SOX5: variants seen among roughly 807,000 people sequenced by gnomAD.
SOX5 encodes SRY-box transcription factor 5.
Under a neutral mutation model 92.0 loss-of-function variants are expected in SOX5, and 9 were observed. The observed-to-expected ratio is 0.10, with a 90% CI of 0.06 to 0.17. The LOEUF (loss-of-function observed/expected upper bound fraction) is 0.17. Among genes scored for constraint, SOX5 ranks in the 10% least tolerant of loss-of-function variants. SOX5 has a pLI of 1.00. For synonymous variants in SOX5, 344 were observed against 336.3 expected (o/e 1.02, Z -0.25); for missense variants, 642 against 944.5 (o/e 0.68, Z 4.20).
rs1212079796 is a variant in SOX5 at position 23,757,021 on chromosome 12, A to G, written c.482-1297T>C. ...AAAGCAGAGGTGCAATTTTCCTTGG[A>G]AAAAAAAAGTAACAATATGGAACAC... is the stretch of plus-strand genomic sequence containing the variant. On this transcript the variant is annotated intron_variant, in intron 3 of 14. Coordinates refer to ENST00000451604, the MANE Select transcript of SOX5 (RefSeq NM_006940.6). Among the ~76,000 whole-genome samples the G allele has an allele frequency of 2.6e-5, 4 of 151,320 alleles. No individual in the cohort carries two copies. In the East Asian group the frequency reaches 5.8e-4, roughly 22 times the overall value.
intron 1 of SOX5, among the ~76,000 whole-genome samples, chr12:24,468,351 G>A (rs753379188): frequency 6.6e-6 from 1 of 152,056 alleles, no homozygotes; most frequent in Non-Finnish European, 1.5e-5. Flanking sequence ...TGGTGTACCT[G>A]CCTTGTAAGG....
intron 7 of SOX5, among the ~76,000 whole-genome samples, chr12:23,642,540 G>A (rs963477597): frequency 1.3e-5 from 2 of 152,180 alleles, no homozygotes; most frequent in Non-Finnish European, 2.9e-5. Context: ...AGAATCAAAT[G>A]GAAGTGTTAG....
intron 4 of SOX5, among the ~76,000 whole-genome samples, chr12:24,164,297 G>C (rs1855664876): frequency 6.6e-6 from 1 of 151,880 alleles, no homozygotes; most frequent in African/African-American, 2.4e-5. Flanking sequence ...TAAAGTTAAA[G>C]CTTTCTTCCT....
chr12:24,409,465 A>C (rs1351792975), intron 1 of SOX5, among the ~76,000 whole-genome samples: 1 of 152,174 alleles, frequency 6.6e-6, no homozygotes, highest in East Asian at 1.9e-4. Flanking sequence ...TAGAAAAAAT[A>C]ATTTTTTTTA....
chr12:23,540,115 A>G (rs967500563), intron 13 of SOX5, among the ~76,000 whole-genome samples: 27 of 151,578 alleles, frequency 1.8e-4, no homozygotes, highest in Non-Finnish European at 2.8e-4. Context: ...AAAAGAGAGA[A>G]AAAATATCTA....
chr12:23,795,356 C>G (rs1405276787), intron 3 of SOX5, among the ~76,000 whole-genome samples: 1 of 151,936 alleles, frequency 6.6e-6, no homozygotes, highest in Admixed American at 6.6e-5. Flanking sequence ...GCTCTAGAGA[C>G]TCATTCTGTT....
intron 1 of SOX5, among the ~76,000 whole-genome samples, chr12:24,442,372 C>T (rs989168897): frequency 6.6e-6 from 1 of 152,136 alleles, no homozygotes; most frequent in African/African-American, 2.4e-5. Flanking sequence ...ACATGCAAAA[C>T]TCCCTGTATC....
At chr12:24,399,314 A>T (rs770108576) in intron 1 of SOX5, among the ~76,000 whole-genome samples, 4 of 152,236 alleles carry the variant, frequency 2.6e-5, no homozygotes, top group Non-Finnish European at 5.9e-5. Context: ...CTGGTAAAAC[A>T]ACTGATTTCT....
chr12:23,996,817 T>C (rs1218566996), intron 4 of SOX5, among the ~76,000 whole-genome samples: 1 of 152,168 alleles, frequency 6.6e-6, no homozygotes, highest in African/African-American at 2.4e-5. Context: ...CAGGGTCTAA[T>C]GGGAAGGGAA....
intron 3 of SOX5, among the ~76,000 whole-genome samples, chr12:23,809,837 T>G (rs779493421): frequency 1.1e-4 from 16 of 151,314 alleles, no homozygotes; most frequent in Non-Finnish European, 2.1e-4. Flanking sequence ...CAGACTGAAT[T>G]TCCCAATACA....
chr12:24,547,139 T>C (rs1417392051), intron 1 of SOX5, among the ~76,000 whole-genome samples: 4 of 151,222 alleles, frequency 2.6e-5, no homozygotes, highest in African/African-American at 4.9e-5. Flanking sequence ...GAGTATAGTA[T>C]AAGAGAGCCA....
In SOX5 at chr12:23,676,157, T is replaced by C. The variant is rs75494269; in HGVS notation, c.811-10593A>G. 7.9e-4 allele frequency among the ~76,000 whole-genome samples: 120 copies of C among 152,148 alleles called. 1 individual carries two copies. In the East Asian group the frequency reaches 0.014, roughly 18 times the overall value. On this transcript the variant is annotated intron_variant, in intron 6 of 14. Coordinates refer to ENST00000451604, the MANE Select transcript of SOX5 (RefSeq NM_006940.6). ...AAATCTAGAGATCTAATGTACAGCA[T>C]GAGAGCGATAATTAATAAAATTATA...
intron 1 of SOX5, among the ~76,000 whole-genome samples, chr12:24,507,141 C>A (rs887049174): frequency 1.3e-5 from 2 of 151,928 alleles, no homozygotes; most frequent in Non-Finnish European, 1.5e-5. Context: ...CTTTACAACC[C>A]TTAATGAAAT....
At chr12:23,851,722 CGAGA>C (rs376303266) in intron 2 of SOX5, among the ~76,000 whole-genome samples, 5 of 151,374 alleles carry the variant, frequency 3.3e-5, no homozygotes, top group African/African-American at 1.2e-4. Context: ...AGTAGTTCAC[CGAGA>C]GAGAGAGCTT....
At chr12:23,790,327 G>A (rs774280815) in intron 3 of SOX5, among the ~76,000 whole-genome samples, 21 of 151,798 alleles carry the variant, frequency 1.4e-4, no homozygotes, top group Non-Finnish European at 2.9e-4. Flanking sequence ...ATATACATAC[G>A]CATGTATTAA....
At position 24,542,133 on chromosome 12, in the gene SOX5, T is replaced by C. The variant is rs1952187038; in HGVS notation, c.-251+20196A>G. 2.0e-5 allele frequency among the ~76,000 whole-genome samples: 3 copies of C among 152,244 alleles called. No homozygotes were observed. The South Asian group carries it at 6.2e-4, about 31-fold the overall frequency. ...AGGACCTACAAGATTCTATGATATA[T>C]GACCCCTGCCTCCTCCAACCTCAAC... On this transcript the variant is annotated intron_variant, in intron 1 of 4. Transcript: ENST00000446891.
At chr12:24,489,689 T>C (rs1946860309) in intron 1 of SOX5, among the ~76,000 whole-genome samples, 2 of 152,206 alleles carry the variant, frequency 1.3e-5, no homozygotes, top group Admixed American at 1.3e-4. Context: ...GTTGCCATCT[T>C]CAGTTACATC....
chr12:23,769,306 C>T (rs1018430228), intron 3 of SOX5, among the ~76,000 whole-genome samples: 7 of 150,504 alleles, frequency 4.7e-5, no homozygotes, highest in South Asian at 2.1e-4. Context: ...CTGTTGTTGA[C>T]GTGACATATA....
At chr12:24,169,006 T>C (rs899491716) in intron 4 of SOX5, among the ~76,000 whole-genome samples, 1 of 152,184 alleles carries the variant, frequency 6.6e-6, no homozygotes, top group African/African-American at 2.4e-5. Flanking sequence ...GGTGTAGCTC[T>C]TGAATGTAAT....
Sources: gnomAD v4.1 joint callset for allele counts (sites outside exome capture counted in the v4.1 genomes callset) on GRCh38, gnomAD v4.1.1 for gene constraint, MANE v1.5 for transcripts, NCBI Gene and HGNC (gene_info 2026-07-23, HGNC 2026-07-21) for gene names.